CACNA2D1: variants seen among roughly 807,000 people sequenced by gnomAD.
CACNA2D1 encodes voltage-dependent calcium channel subunit alpha-2/delta-1.
CACNA2D1 carries 53 observed loss-of-function variants against 171.5 expected under a neutral mutation model. That is an observed-to-expected ratio of 0.31 (90% CI 0.25 to 0.39). CACNA2D1 has a LOEUF of 0.39. Among genes scored for constraint, CACNA2D1 ranks in the 10% least tolerant of loss-of-function variants. The probability of loss-of-function intolerance (pLI) is 1.00; values close to 1 mark genes in which losing one functional copy is unlikely to be tolerated. For synonymous variants in CACNA2D1, 442 were observed against 443.1 expected (o/e 1.00, Z 0.03); for missense variants, 903 against 1,299.8 (o/e 0.69, Z 4.69).
chr7:82,361,580 A>T (rs1474042002), intron 1 of CACNA2D1, among the ~76,000 whole-genome samples: 1 of 152,140 alleles, frequency 6.6e-6, no homozygotes, highest in African/African-American at 2.4e-5. Context: ...TTAATGTATT[A>T]TATGTTGAAA....
intron 5 of CACNA2D1, among the ~76,000 whole-genome samples, chr7:82,131,590 C>T (rs983334235): frequency 5.9e-5 from 9 of 152,216 alleles, no homozygotes; most frequent in African/African-American, 2.2e-4. Context: ...ATACTGAGGA[C>T]TAAATTTATT....
At chr7:82,033,440 G>A (rs1016701499) in intron 11 of CACNA2D1, among the ~76,000 whole-genome samples, 4 of 151,914 alleles carry the variant, frequency 2.6e-5, no homozygotes, top group Admixed American at 6.6e-5. Flanking sequence ...TGATTTTATA[G>A]TATAAACAAA....
At chr7:82,094,105 C>T (rs537898691) in intron 6 of CACNA2D1, among the ~76,000 whole-genome samples, 4 of 152,082 alleles carry the variant, frequency 2.6e-5, no homozygotes, top group Non-Finnish European at 5.9e-5. Context: ...TTGTGTCAAC[C>T]AGTTTTAGAG....
chr7:82,358,768 T>C (rs1019009703), intron 1 of CACNA2D1, among the ~76,000 whole-genome samples: 44 of 152,116 alleles, frequency 2.9e-4, no homozygotes, highest in Admixed American at 2.9e-3. Context: ...TCAAAGGCCA[T>C]GAGATCTACT....
At chr7:82,194,342 C>T (rs535668674) in intron 3 of CACNA2D1, among the ~76,000 whole-genome samples, 1 of 152,106 alleles carries the variant, frequency 6.6e-6, no homozygotes, top group East Asian at 1.9e-4. Context: ...CAAACTCCTG[C>T]ATGTTCATGC....
chr7:82,280,049 A>G (rs1007469904), intron 3 of CACNA2D1, among the ~76,000 whole-genome samples: 2 of 152,192 alleles, frequency 1.3e-5, no homozygotes, highest in African/African-American at 4.8e-5. Context: ...TACACAAACA[A>G]AACACTTTTT....
chr7:82,199,121 T>C (rs917164028), intron 3 of CACNA2D1, among the ~76,000 whole-genome samples: 3 of 152,108 alleles, frequency 2.0e-5, no homozygotes, highest in African/African-American at 7.2e-5. Flanking sequence ...GTTCAAAGAG[T>C]AAAGTTTTAT....
At position 82,066,418 on chromosome 7, in the gene CACNA2D1, C is replaced by T. The variant is rs777098782; in HGVS notation, c.728+37G>A. On this transcript the variant is annotated intron_variant, in intron 8 of 38. Coordinates refer to ENST00000356860, the MANE Select transcript of CACNA2D1 (RefSeq NM_000722.4). ...TTTTAGCAAATATATATCTTCTTGC[C>T]TATTTTATCTTTTCATGGCTAGCTA... 1.9e-6 allele frequency: 3 copies of T among 1,608,234 alleles called. No individual in the cohort carries two copies. The South Asian group carries it at 3.3e-5, about 18-fold the overall frequency.
chr7:82,056,009 T>TAAAAAAAAA (rs61512655), intron 10 of CACNA2D1, among the ~76,000 whole-genome samples: 10 of 42,188 alleles, frequency 2.4e-4, no homozygotes, highest in East Asian at 1.3e-3. Context: ...ACTCAAAAGT[T>TAAAAAAAAA]AAAAAAAAAA....
chr7:82,108,005 G>T (rs1017381515), intron 6 of CACNA2D1, among the ~76,000 whole-genome samples: 1 of 152,100 alleles, frequency 6.6e-6, no homozygotes, highest in Admixed American at 6.5e-5. Flanking sequence ...CACTGAAAAG[G>T]TTTAATAGGC....
intron 3 of CACNA2D1, among the ~76,000 whole-genome samples, chr7:82,329,166 C>T (rs42055): frequency 0.75 from 113,641 of 152,040 alleles, 43,256 homozygotes; most frequent in African/African-American, 0.91. Context: ...AATCATCTAG[C>T]ACTTCCAGGA....
At chr7:82,370,586 T>C (rs951229688) in intron 1 of CACNA2D1, among the ~76,000 whole-genome samples, 5 of 63,768 alleles carry the variant, frequency 7.8e-5, no homozygotes, top group Non-Finnish European at 2.1e-4. Context: ...TGGATAGAAA[T>C]AGAGATATAC....
intron 24 of CACNA2D1, among the ~76,000 whole-genome samples, chr7:81,978,544 A>T (rs530499885): frequency 6.6e-6 from 1 of 151,716 alleles, no homozygotes; most frequent in African/African-American, 2.4e-5. Flanking sequence ...ACACATGGAC[A>T]CCAGGGAGGG....
intron 2 of CACNA2D1, among the ~76,000 whole-genome samples, chr7:82,335,884 T>C (rs767526704): frequency 1.4e-4 from 22 of 152,282 alleles, no homozygotes; most frequent in Non-Finnish European, 2.9e-4. Flanking sequence ...TTAAGCTAGG[T>C]GCCAAAAGAA....
At chr7:82,409,501 G>C (rs1220009158) in intron 1 of CACNA2D1, among the ~76,000 whole-genome samples, 1 of 152,180 alleles carries the variant, frequency 6.6e-6, no homozygotes, top group Non-Finnish European at 1.5e-5. Flanking sequence ...CTCCTATTCA[G>C]TGATTCTCAA....
intron 38 of CACNA2D1, among the ~76,000 whole-genome samples, chr7:81,953,961 A>ATAAGT (rs1792909119): frequency 6.6e-6 from 1 of 152,090 alleles, no homozygotes; most frequent in Non-Finnish European, 1.5e-5. Flanking sequence ...GGTAGTTTAG[A>ATAAGT]TAAGTTATTT....
At chr7:82,113,606 TGA>T (rs1223797056) in intron 6 of CACNA2D1, among the ~76,000 whole-genome samples, 1 of 152,198 alleles carries the variant, frequency 6.6e-6, no homozygotes, top group Non-Finnish European at 1.5e-5. Flanking sequence ...AGGTTTCTTA[TGA>T]GAGTGTAGCT....
At chr7:82,103,282 C>T (rs1308873899) in intron 6 of CACNA2D1, among the ~76,000 whole-genome samples, 1 of 151,956 alleles carries the variant, frequency 6.6e-6, no homozygotes, top group Non-Finnish European at 1.5e-5. Context: ...GGTGACAGAA[C>T]CAGACTCCAT....
chr7:82,370,332 AT>A (rs956370031), intron 1 of CACNA2D1, among the ~76,000 whole-genome samples: 1 of 152,026 alleles, frequency 6.6e-6, no homozygotes, highest in Non-Finnish European at 1.5e-5. Flanking sequence ...TAAGTATGAA[AT>A]TTTGGAAAAT....
Sources: allele counts gnomAD v4.1 joint callset (sites outside exome capture counted in the v4.1 genomes callset), GRCh38; gene constraint gnomAD v4.1.1; transcripts MANE v1.5; gene names NCBI Gene and HGNC (gene_info 2026-07-23, HGNC 2026-07-21).